The following PAPPA2 variants were observed in gnomAD, a reference collection of about 807,000 sequenced individuals.
The protein encoded by PAPPA2 is pappalysin-2.
In PAPPA2, 86 loss-of-function variants were observed where a neutral mutation model predicts 176.4. The observed-to-expected ratio is 0.49, with a 90% CI of 0.41 to 0.58. PAPPA2 has a LOEUF of 0.58. PAPPA2 is among the 20% of genes least tolerant of loss of function. The pLI, the probability that PAPPA2 is intolerant of heterozygous loss-of-function variation, is 0.00. For synonymous variants in PAPPA2, 809 were observed against 852.2 expected (o/e 0.95, Z 0.88); for missense variants, 2,073 against 2,256.9 (o/e 0.92, Z 1.65).
At chr1:176,698,599 A>G (rs1660490680) in intron 7 of PAPPA2, among the ~76,000 whole-genome samples, 1 of 152,214 alleles carries the variant, frequency 6.6e-6, no homozygotes, top group South Asian at 2.1e-4. Flanking sequence ...ATTTCAATGT[A>G]TGGTTTTAAA....
intron 1 of PAPPA2, among the ~76,000 whole-genome samples, chr1:176,494,361 T>C (rs1288852958): frequency 6.6e-6 from 1 of 152,186 alleles, no homozygotes; most frequent in Non-Finnish European, 1.5e-5. Context: ...ACACAACACA[T>C]AGGCACAATA....
Position 176,702,636 on chromosome 1 carries a change from A to G in PAPPA2, c.3266A>G (p.Tyr1089Cys). ...GTCACACCTGGACAGATGTATCAGT[A>G]CCAAGTTCTAGCTGAAGCTGGAGGA... ...VEVTPGQMYQYQVLAEAGGEL... is the reference protein window; with the variant it reads ...VEVTPGQMYQCQVLAEAGGEL... Residue 1089 changes from tyrosine (Y) to cysteine (C), a missense_variant, in exon 9 of 23, where the codon TAC (tyrosine) becomes TGC (cysteine). Tyr to Cys is a radical substitution (Grantham distance 194, BLOSUM62 -2). Around this residue, in one of 4 missense-constraint regions of PAPPA2, gnomAD observed 846 missense variants for 857.9 expected, o/e 0.99. Coordinates refer to ENST00000367662, the MANE Select transcript of PAPPA2 (RefSeq NM_020318.3). 6.2e-7 allele frequency: 1 copy of G among 1,614,092 alleles called. No homozygotes were observed.
intron 21 of PAPPA2, among the ~76,000 whole-genome samples, chr1:176,834,299 C>T (rs1667186864): frequency 6.6e-6 from 1 of 152,178 alleles, no homozygotes; most frequent in Admixed American, 6.5e-5. Context: ...TCCTAAGAAA[C>T]TATTCCTGCA....
intron 7 of PAPPA2, among the ~76,000 whole-genome samples, chr1:176,696,991 T>G (rs1291505847): frequency 6.6e-6 from 1 of 152,160 alleles, no homozygotes; most frequent in African/African-American, 2.4e-5. Flanking sequence ...AGTATAAAAT[T>G]TACTGCATTG....
intron 21 of PAPPA2, among the ~76,000 whole-genome samples, chr1:176,821,807 G>A (rs1487476086): frequency 6.6e-6 from 1 of 152,174 alleles, no homozygotes; most frequent in Non-Finnish European, 1.5e-5. Context: ...GCTGACAGTG[G>A]ACTCATGGCA....
Position 176,711,969 on chromosome 1 carries a change from G to A in PAPPA2, c.3786G>A (p.Glu1262=). ...QPEGSLKKED[E]VWLKVCFNRP... Reference sequence around the variant, plus strand: ...AAGGTAGCCTGAAGAAAGAGGATGAGGTTTGGCTCAAAGTAAGTGGCCCAA... The same window carrying A: ...AAGGTAGCCTGAAGAAAGAGGATGAAGTTTGGCTCAAAGTAAGTGGCCCAA... Residue 1262 remains glutamate (E), a synonymous_variant, in exon 12 of 23, where the codon GAG becomes GAA. Coordinates refer to ENST00000367662, the MANE Select transcript of PAPPA2 (RefSeq NM_020318.3). 1 of 1,611,914 alleles carries A rather than the reference G, an allele frequency of 6.2e-7. No individual in the cohort carries two copies. Among genetic ancestry groups the A allele is most frequent in the Non-Finnish European group, 8.5e-7 (1 of 1,178,176 alleles).
intron 17 of PAPPA2, among the ~76,000 whole-genome samples, chr1:176,776,752 T>A (rs1322958542): frequency 6.6e-6 from 1 of 152,030 alleles, no homozygotes; most frequent in Non-Finnish European, 1.5e-5. Flanking sequence ...ATGTGCTATA[T>A]ATGCTAAGTA....
At chr1:176,607,956 C>T (rs961694421) in intron 3 of PAPPA2, among the ~76,000 whole-genome samples, 7 of 152,130 alleles carry the variant, frequency 4.6e-5, no homozygotes, top group African/African-American at 1.7e-4. Context: ...GTGATGGATA[C>T]ATGAACTTAC....
intron 12 of PAPPA2, among the ~76,000 whole-genome samples, chr1:176,721,595 C>T (rs1212196307): frequency 6.6e-6 from 1 of 152,108 alleles, no homozygotes; most frequent in Non-Finnish European, 1.5e-5. Context: ...GATGTTATCC[C>T]GTTATCTTTT....
At position 176,844,525 on chromosome 1, in the gene PAPPA2, A is replaced by G. The variant is rs1295318815; in HGVS notation, c.*2071A>G. 1 of 152,160 alleles carries G rather than the reference A, an allele frequency of 6.6e-6. No individual in the cohort carries two copies. Among genetic ancestry groups the G allele is most frequent in the African/African-American group, 2.4e-5 (1 of 41,446 alleles). 9.4% of individuals were successfully genotyped at this position (152,160 alleles called of 1,614,324 possible). A position where few individuals can be genotyped will look rare whatever the true frequency, so the allele number is the denominator to read the frequency against. ...ATTCAAAAAAAACCTTTTGTCTACT[A>G]ATCTCTAGTGTAAAGAAAATGTAGT... On this transcript the variant is annotated 3_prime_UTR_variant, in exon 23 of 23. Transcript: ENST00000367662.
chr1:176,668,661 A>G (rs1658804728), intron 3 of PAPPA2, among the ~76,000 whole-genome samples: 1 of 152,132 alleles, frequency 6.6e-6, no homozygotes, highest in South Asian at 2.1e-4. Flanking sequence ...AGTGACCTCT[A>G]TGTGTTTACT....
At chr1:176,830,477 C>A (rs1281128618) in intron 21 of PAPPA2, among the ~76,000 whole-genome samples, 1 of 152,172 alleles carries the variant, frequency 6.6e-6, no homozygotes, top group Non-Finnish European at 1.5e-5. Context: ...GTTCCTGCCC[C>A]CACAGTCCTT....
chr1:176,651,431 A>T (rs1657718565), intron 3 of PAPPA2, among the ~76,000 whole-genome samples: 1 of 151,530 alleles, frequency 6.6e-6, no homozygotes, highest in South Asian at 2.1e-4. Context: ...TTCTTTCAGC[A>T]CTTTGAAAAC....
chr1:176,732,122 T>C (rs968469662), intron 12 of PAPPA2, among the ~76,000 whole-genome samples: 1 of 152,190 alleles, frequency 6.6e-6, no homozygotes, highest in African/African-American at 2.4e-5. Context: ...AAAAAGCCCA[T>C]GTACAGATGG....
chr1:176,658,557 G>T (rs962155337), intron 3 of PAPPA2, among the ~76,000 whole-genome samples: 5 of 151,980 alleles, frequency 3.3e-5, no homozygotes, highest in African/African-American at 4.8e-5. Flanking sequence ...TTAGGCTGGG[G>T]TGATCAGTGA....
intron 20 of PAPPA2, among the ~76,000 whole-genome samples, chr1:176,796,655 TTTCTTTC>T (rs1329479385): frequency 6.6e-6 from 1 of 151,286 alleles, no homozygotes; most frequent in Non-Finnish European, 1.5e-5. Context: ...TTTCTTTCTT[TTTCTTTC>T]TTCTTTCTTT....
intron 15 of PAPPA2, 55 bp downstream of exon 15, chr1:176,765,892 C>A: frequency 6.3e-7 from 1 of 1,584,048 alleles, no homozygotes; most frequent in Non-Finnish European, 8.6e-7. Context: ...GGGAGGTATT[C>A]ACACTCTTCT....
At chr1:176,712,789 A>C (rs987288243) in intron 12 of PAPPA2, among the ~76,000 whole-genome samples, 3 of 152,166 alleles carry the variant, frequency 2.0e-5, no homozygotes, top group African/African-American at 7.2e-5. Flanking sequence ...GTATACTCCC[A>C]CCAGATGTTT....
chr1:176,775,690 G>A (rs1664428321), intron 17 of PAPPA2, among the ~76,000 whole-genome samples: 1 of 152,052 alleles, frequency 6.6e-6, no homozygotes, highest in Non-Finnish European at 1.5e-5. Context: ...AATCTCTGGG[G>A]GTGGGGCCCA....
Sources: gnomAD v4.1 joint callset for allele counts (sites outside exome capture counted in the v4.1 genomes callset) on GRCh38, gnomAD v4.1.1 for gene constraint, gnomAD v4.1.1 regional missense constraint, MANE v1.5 for transcripts, NCBI Gene and HGNC (gene_info 2026-07-23, HGNC 2026-07-21) for gene names.